Variants in ARID5B observed in about 807,000 individuals in gnomAD.
The protein encoded by ARID5B is AT-rich interaction domain 5B, also known as AT-rich interactive domain-containing protein 5B.
ARID5B carries 13 observed loss-of-function variants against 97.2 expected under a neutral mutation model. The observed-to-expected ratio is 0.13, with a 90% CI of 0.09 to 0.21. The LOEUF (loss-of-function observed/expected upper bound fraction) is 0.21. Among genes scored for constraint, ARID5B ranks in the 10% least tolerant of loss-of-function variants. The pLI is 1.00. For missense variants in ARID5B, 1,210 were observed against 1,465.3 expected (o/e 0.83, Z 2.84); for synonymous variants, 556 against 570.3 (o/e 0.97, Z 0.36).
At chr10:62,005,025 T>C (rs948374120) in intron 4 of ARID5B, among the ~76,000 whole-genome samples, 11 of 152,228 alleles carry the variant, frequency 7.2e-5, no homozygotes, top group African/African-American at 2.4e-4. Flanking sequence ...CAAAGAAGAA[T>C]AAGAAGTTGA....
chr10:62,074,913 T>G (rs1840108308), intron 8 of ARID5B, among the ~76,000 whole-genome samples: 1 of 152,268 alleles, frequency 6.6e-6, no homozygotes, highest in Non-Finnish European at 1.5e-5. Context: ...ATTATGTCTG[T>G]TGAAGCTAAT....
intron 5 of ARID5B, among the ~76,000 whole-genome samples, chr10:62,053,167 T>A (rs1839813266): frequency 6.6e-6 from 1 of 152,200 alleles, no homozygotes; most frequent in Non-Finnish European, 1.5e-5. Flanking sequence ...CATCTAATCA[T>A]CTGTTGAATT....
intron 3 of ARID5B, among the ~76,000 whole-genome samples, chr10:61,991,068 A>ACACACACC (rs1440717129): frequency 2.0e-5 from 3 of 151,674 alleles, no homozygotes; most frequent in African/African-American, 4.8e-5. Flanking sequence ...ACACACACAC[A>ACACACACC]CACACCAAAT....
intron 2 of ARID5B, among the ~76,000 whole-genome samples, chr10:61,919,564 G>GTA (rs2132768160): frequency 6.6e-6 from 1 of 152,348 alleles, no homozygotes; most frequent in East Asian, 1.9e-4. Context: ...ATCCCACAGT[G>GTA]TATATCAGAT....
In ARID5B at chr10:62,091,462, A is replaced by G; in HGVS notation, c.1999A>G (p.Asn667Asp). ...AGACAAAGACCTGACTGGGCCCATG[A>G]ACGAGAACCATGGACTTAATTACAC... ...FKDKDLTGPM[N>D]ENHGLNYTPL... The change falls in exon 10 of 10, where the codon AAC becomes GAC. Residue 667 changes from asparagine to aspartate, a missense_variant. Asn to Asp is a conservative substitution (Grantham distance 23). Around this residue, in one of 8 missense-constraint regions of ARID5B, gnomAD observed 800 missense variants for 839.1 expected, o/e 0.95. Coordinates refer to ENST00000279873, the MANE Select transcript of ARID5B (RefSeq NM_032199.3). 1 of 1,612,060 alleles carries G rather than the reference A, an allele frequency of 6.2e-7. No homozygotes were observed. Among genetic ancestry groups the G allele is most frequent in the Non-Finnish European group, 8.5e-7 (1 of 1,178,882 alleles).
At chr10:61,942,843 TTTTG>T (rs1308008128) in intron 3 of ARID5B, among the ~76,000 whole-genome samples, 8 of 152,142 alleles carry the variant, frequency 5.3e-5, no homozygotes, top group African/African-American at 7.2e-5. Context: ...TTGAGTCTGA[TTTTG>T]TTTGTTTGTT....
intron 4 of ARID5B, 79 bp from the exon 5 acceptor site, chr10:62,050,809 T>C (rs1797096398): frequency 8.4e-7 from 1 of 1,194,256 alleles, no homozygotes; most frequent in Non-Finnish European, 1.2e-6. Flanking sequence ...AAGGGATCAC[T>C]GTAGTGAGAT....
chr10:61,963,838 G>A (rs550543649), intron 3 of ARID5B, among the ~76,000 whole-genome samples: 134 of 151,966 alleles, frequency 8.8e-4, no homozygotes, highest in African/African-American at 3.1e-3. Context: ...TCAAGGCACC[G>A]GGGAAGAAAT....
rs545553403 is a variant in ARID5B at position 62,059,488 on chromosome 10, G to T, written c.1101+193G>T. On this transcript the variant is annotated intron_variant, in intron 7 of 9. Transcript: ENST00000279873. ...CCAGGTTTGGCAAAATTGTAAACTT[G>T]TCGTAAAAACTACAAGTGGAAAACA... 2.5e-4 allele frequency among the ~76,000 whole-genome samples: 38 copies of T among 152,228 alleles called. 2 individuals are homozygous for T. The South Asian group carries it at 7.9e-3, about 32-fold the overall frequency.
intron 7 of ARID5B, among the ~76,000 whole-genome samples, chr10:62,067,325 C>T (rs1230944910): frequency 5.3e-5 from 8 of 152,190 alleles, no homozygotes; most frequent in African/African-American, 7.2e-5. Flanking sequence ...TCAGGTGATC[C>T]GCCCGCCTCG....
chr10:61,969,944 G>C (rs893830783), intron 3 of ARID5B, among the ~76,000 whole-genome samples: 1 of 152,122 alleles, frequency 6.6e-6, no homozygotes, highest in Admixed American at 6.6e-5. Context: ...TAAAACACTA[G>C]AAAGAGTCAA....
intron 2 of ARID5B, among the ~76,000 whole-genome samples, chr10:61,908,539 G>A (rs573498868): frequency 6.6e-6 from 1 of 152,188 alleles, no homozygotes; most frequent in East Asian, 1.9e-4. Flanking sequence ...CAGGCATAGT[G>A]GCTCACGCCT....
At chr10:62,019,686 C>G (rs996984049) in intron 4 of ARID5B, among the ~76,000 whole-genome samples, 11 of 152,178 alleles carry the variant, frequency 7.2e-5, no homozygotes, top group African/African-American at 2.4e-4. Flanking sequence ...AGTTTGTGCT[C>G]TTTTAGGGAT....
At chr10:62,061,546 A>G (rs1260120371) in intron 7 of ARID5B, among the ~76,000 whole-genome samples, 1 of 152,142 alleles carries the variant, frequency 6.6e-6, no homozygotes, top group Non-Finnish European at 1.5e-5. Flanking sequence ...AGGCCTTCAG[A>G]TGCTAGGCCC....
chr10:61,949,523 G>C (rs533174687), intron 3 of ARID5B, among the ~76,000 whole-genome samples: 2 of 152,258 alleles, frequency 1.3e-5, no homozygotes, highest in Admixed American at 6.5e-5. Context: ...CATAATCCCA[G>C]CTACTTGGGA....
chr10:62,019,490 T>G (rs1458325590), intron 4 of ARID5B, among the ~76,000 whole-genome samples: 1 of 152,244 alleles, frequency 6.6e-6, no homozygotes, highest in Non-Finnish European at 1.5e-5. Flanking sequence ...GCATTTATGA[T>G]TCAAGCTACT....
intron 5 of ARID5B, among the ~76,000 whole-genome samples, chr10:62,052,520 A>G (rs1839803677): frequency 6.6e-6 from 1 of 152,184 alleles, no homozygotes; most frequent in Non-Finnish European, 1.5e-5. Flanking sequence ...GCCCGGCAGG[A>G]TAAAGCTCCT....
chr10:62,078,298 G>A (rs1840164415), intron 8 of ARID5B, among the ~76,000 whole-genome samples: 1 of 152,084 alleles, frequency 6.6e-6, no homozygotes, highest in Admixed American at 6.5e-5. Flanking sequence ...AGACCACCCT[G>A]GGCAACATGG....
chr10:62,010,347 T>C (rs74159507), intron 4 of ARID5B, among the ~76,000 whole-genome samples: 9,889 of 152,222 alleles, frequency 0.065, 1,098 homozygotes, highest in African/African-American at 0.22. Context: ...TTTTCAAAGA[T>C]GTTTTTCCCC....
Sources: allele counts gnomAD v4.1 joint callset (sites outside exome capture counted in the v4.1 genomes callset), GRCh38; gene constraint gnomAD v4.1.1; regional missense constraint gnomAD v4.1.1; transcripts MANE v1.5; gene names NCBI Gene and HGNC (gene_info 2026-07-23, HGNC 2026-07-21).